Variants in LONP2 observed in about 807,000 individuals in gnomAD.
LONP2 encodes lon peptidase 2, peroxisomal.
LONP2 carries 60 observed loss-of-function variants against 85.6 expected under a neutral mutation model. The observed-to-expected ratio is 0.70, with a 90% CI of 0.57 to 0.87. The LOEUF is 0.87. Ranked by LOEUF, LONP2 falls within the 40% of genes least tolerant of loss-of-function variation. The pLI is 0.00. For missense variants in LONP2, 860 were observed against 1,063.5 expected, an observed-to-expected ratio of 0.81 and a Z score of 2.66; for synonymous variants, 395 against 389.7, an observed-to-expected ratio of 1.01 and a Z score of -0.16.
Position 48,303,208 on chromosome 16 carries a change from A to G in LONP2, c.1698A>G (p.Arg566=), listed in dbSNP as rs1439661321. 6.2e-7 allele frequency: 1 copy of G among 1,614,168 alleles called. No individual in the cohort carries two copies. The highest frequency in any genetic ancestry group is 2.2e-5 in the East Asian group (1 of 44,888). The stretch of plus-strand genomic sequence containing the variant: ...AGGCAGGGGTTCGTTCTCTGGATAG[A>G]AAACTTGGGGCCATTTGCCGAGCTG... ...TREAGVRSLD[R]KLGAICRAVA... The change falls in exon 11 of 15, where the codon AGA becomes AGG. Residue 566 remains arginine, a synonymous_variant. Coordinates refer to ENST00000285737, the MANE Select transcript of LONP2 (RefSeq NM_031490.5).
At chr16:48,271,824 T>C (rs1972112274) in intron 7 of LONP2, among the ~76,000 whole-genome samples, 1 of 152,248 alleles carries the variant, frequency 6.6e-6, no homozygotes, top group Non-Finnish European at 1.5e-5. Context: ...TGATTTCTTC[T>C]GGCAATTTCA....
chr16:48,316,329 T>TC (rs1263642338), intron 11 of LONP2, among the ~76,000 whole-genome samples: 1 of 147,980 alleles, frequency 6.8e-6, no homozygotes, highest in East Asian at 2.0e-4. Context: ...GATTCTTTTT[T>TC]TTTTTTTTTT....
At chr16:48,287,148 A>G (rs1193084040) in intron 8 of LONP2, among the ~76,000 whole-genome samples, 2 of 152,178 alleles carry the variant, frequency 1.3e-5, no homozygotes, top group Admixed American at 6.5e-5. Flanking sequence ...TTATGTGTGT[A>G]TTGAAGTGGG....
At chr16:48,269,490 T>TA (rs988513573) in intron 6 of LONP2, among the ~76,000 whole-genome samples, 1 of 152,112 alleles carries the variant, frequency 6.6e-6, no homozygotes, top group Non-Finnish European at 1.5e-5. Flanking sequence ...TTACAAAACT[T>TA]AAAGGCCCCA....
chr16:48,281,901 A>G (rs1972335792), intron 8 of LONP2, among the ~76,000 whole-genome samples: 3 of 152,226 alleles, frequency 2.0e-5, no homozygotes, highest in African/African-American at 7.2e-5. Context: ...GAAGAGAGGG[A>G]CTTAGACATC....
Position 48,244,358 on chromosome 16 carries a change from T to C in LONP2, c.-31T>C. On this transcript the variant is annotated 5_prime_UTR_variant, in exon 1 of 15. Coordinates refer to ENST00000285737, the MANE Select transcript of LONP2 (RefSeq NM_031490.5). ...GGGGCAGCTGTCTGTCTGGCTCTTTTTGACAGCCCCCAGTGCGAAAGGCTG... is the reference window on the plus strand; with the variant it reads ...GGGGCAGCTGTCTGTCTGGCTCTTTCTGACAGCCCCCAGTGCGAAAGGCTG... The C allele has an allele frequency of 1.3e-6, 2 of 1,484,188 alleles. No individual in the cohort carries two copies. Among genetic ancestry groups the C allele is most frequent in the Non-Finnish European group, 1.8e-6 (2 of 1,111,770 alleles). The allele number at this position is 1,484,188 out of a possible 1,614,324, so 91.9% of individuals were successfully genotyped here. A position where few individuals can be genotyped will look rare whatever the true frequency, so the allele number is the denominator to read the frequency against.
chr16:48,349,427 C>T (rs909258425), intron 14 of LONP2, among the ~76,000 whole-genome samples: 19 of 152,120 alleles, frequency 1.2e-4, no homozygotes, highest in Admixed American at 7.9e-4. Flanking sequence ...TGCGCCACCA[C>T]GCCCGGATAA....
intron 11 of LONP2, among the ~76,000 whole-genome samples, chr16:48,315,731 C>T (rs1021332836): frequency 5.9e-5 from 9 of 152,006 alleles, no homozygotes; most frequent in Non-Finnish European, 1.3e-4. Context: ...AGATTTTGGC[C>T]ATTATCTTTT....
intron 6 of LONP2, among the ~76,000 whole-genome samples, chr16:48,269,337 A>C (rs1972055495): frequency 6.6e-6 from 1 of 152,176 alleles, no homozygotes; most frequent in Non-Finnish European, 1.5e-5. Context: ...ATGTGTAAAC[A>C]ACTTGAATGC....
chr16:48,301,485 G>A (rs1972802606), intron 10 of LONP2, among the ~76,000 whole-genome samples: 1 of 152,080 alleles, frequency 6.6e-6, no homozygotes. Context: ...GACCACAGGT[G>A]CATGCCGGGC....
chr16:48,260,210 GTGTTTTTATAAAATTAAATTTTTA>G (rs1329186615), intron 4 of LONP2, among the ~76,000 whole-genome samples: 2 of 152,032 alleles, frequency 1.3e-5, no homozygotes, highest in Non-Finnish European at 2.9e-5. Flanking sequence ...TTTAGTACTT[GTGTTTTTATAAAATTAAATTTTTA>G]TTTACTGCTT....
chr16:48,254,198 G>A (rs746464499), intron 2 of LONP2, among the ~76,000 whole-genome samples: 29 of 152,110 alleles, frequency 1.9e-4, no homozygotes, highest in Non-Finnish European at 4.0e-4. Context: ...CATTAAGACC[G>A]TTTGCAACTT....
intron 12 of LONP2, among the ~76,000 whole-genome samples, chr16:48,339,543 T>C (rs971260524): frequency 1.3e-5 from 2 of 152,034 alleles, no homozygotes; most frequent in Non-Finnish European, 2.9e-5. Context: ...AGAATATGGA[T>C]GTCAAAGGGA....
chr16:48,266,970 A>G (rs1241280055), intron 6 of LONP2, among the ~76,000 whole-genome samples: 2 of 152,088 alleles, frequency 1.3e-5, no homozygotes, highest in Non-Finnish European at 2.9e-5. Flanking sequence ...TATTTAATAA[A>G]ATATCAAAAA....
intron 5 of LONP2, among the ~76,000 whole-genome samples, chr16:48,262,434 C>G (rs1190477968): frequency 6.6e-6 from 1 of 152,196 alleles, no homozygotes; most frequent in African/African-American, 2.4e-5. Flanking sequence ...ATAATGTTTT[C>G]TCCTGCAGTT....
Position 48,303,261 on chromosome 16 carries a change from A to G in LONP2, c.1751A>G (p.His584Arg). 1.2e-6 allele frequency: 2 copies of G among 1,614,194 alleles called. No homozygotes were observed. The highest frequency in any genetic ancestry group is 1.7e-5 in the Admixed American group (1 of 60,020). The change falls in exon 11 of 15, where the codon CAT becomes CGT. Residue 584 changes from histidine to arginine, a missense_variant. Coordinates refer to ENST00000285737, the MANE Select transcript of LONP2 (RefSeq NM_031490.5). ...GCCGTGAAGGTGGCAGAAGGACAGC[A>G]TAAGGAAGCCAAGTTGGACCGTTCT... is the stretch of plus-strand genomic sequence containing the variant. The part of the protein sequence containing the change: ...AVAVKVAEGQ[H>R]KEAKLDRSDV...
intron 11 of LONP2, among the ~76,000 whole-genome samples, chr16:48,311,682 T>G (rs567719667): frequency 3.3e-5 from 5 of 152,346 alleles, no homozygotes; most frequent in African/African-American, 1.2e-4. Flanking sequence ...TTGCCTTGTC[T>G]GGAGTGCAGT....
At chr16:48,254,618 G>T (rs564212630) in intron 2 of LONP2, among the ~76,000 whole-genome samples, 1 of 152,010 alleles carries the variant, frequency 6.6e-6, no homozygotes, top group African/African-American at 2.4e-5. Flanking sequence ...CCGCCACCAC[G>T]CCCGGCCTCC....
chr16:48,250,451 C>T (rs1469639674), intron 1 of LONP2, among the ~76,000 whole-genome samples: 2 of 151,230 alleles, frequency 1.3e-5, no homozygotes, highest in Non-Finnish European at 2.9e-5. Flanking sequence ...TACTGCGCTC[C>T]AGCCTGGTGA....
Sources: gnomAD v4.1 joint callset for allele counts (sites outside exome capture counted in the v4.1 genomes callset) on GRCh38, gnomAD v4.1.1 for gene constraint, MANE v1.5 for transcripts, NCBI Gene and HGNC (gene_info 2026-07-23, HGNC 2026-07-21) for gene names.